MCF2L2: variants seen among roughly 807,000 people sequenced by gnomAD.
MCF2L2 encodes the protein MCF.2 cell line derived transforming sequence-like 2, also known as probable guanine nucleotide exchange factor MCF2L2.
Under a neutral mutation model 150.2 loss-of-function variants are expected in MCF2L2, and 102 were observed. The ratio of observed to expected loss-of-function variants is 0.68; its 90% CI spans 0.58 to 0.80. MCF2L2 has a LOEUF of 0.80. Ranked by LOEUF, MCF2L2 falls within the 30% of genes least tolerant of loss-of-function variation. MCF2L2 has a pLI of 0.00. For synonymous variants in MCF2L2, 465 were observed against 491.3 expected (o/e 0.95, Z 0.71); for missense variants, 1,256 against 1,372.8 (o/e 0.91, Z 1.34).
At chr3:183,334,590 C>G (rs971181762) in intron 5 of MCF2L2, among the ~76,000 whole-genome samples, 7 of 151,414 alleles carry the variant, frequency 4.6e-5, no homozygotes, top group Admixed American at 3.3e-4. Context: ...GAGTTCGAGA[C>G]CAGCCTGGCC....
At chr3:183,232,761 C>T (rs190694118) in intron 15 of MCF2L2, among the ~76,000 whole-genome samples, 19 of 152,158 alleles carry the variant, frequency 1.2e-4, no homozygotes, top group African/African-American at 3.1e-4. Flanking sequence ...ATACATTCAA[C>T]GAAGGCATAT....
At chr3:183,257,958 CTTT>C (rs35323502) in intron 15 of MCF2L2, among the ~76,000 whole-genome samples, 6 of 64,742 alleles carry the variant, frequency 9.3e-5, no homozygotes, top group South Asian at 1.6e-3. Context: ...CCACTTCACC[CTTT>C]TTTTTTTTTT....
chr3:183,414,374 TC>T (rs1186295557), intron 1 of MCF2L2, among the ~76,000 whole-genome samples: 1 of 152,210 alleles, frequency 6.6e-6, no homozygotes, highest in East Asian at 1.9e-4. Context: ...ATATAGTTAT[TC>T]GTATTATTCC....
At chr3:183,323,378 TA>T in intron 5 of MCF2L2, 27 bp from the exon 6 acceptor site, 4 of 1,193,640 alleles carry the variant, frequency 3.4e-6, no homozygotes, top group Non-Finnish European at 5.0e-6. Context: ...TAATTAAACA[TA>T]CTCCTCATTG....
chr3:183,270,531 C>G lies in MCF2L2; in HGVS notation c.1862+6341G>C. 2 of 1,614,056 alleles carry G rather than the reference C, an allele frequency of 1.2e-6. No individual in the cohort carries two copies. Among genetic ancestry groups the G allele is most frequent in the Non-Finnish European group, 1.7e-6 (2 of 1,179,980 alleles). ...ATACTACGTGTCCTATGAAATGTACCAGTGGCCAGCTTACCCTGACTACAC... is the reference window on the plus strand; with the variant it reads ...ATACTACGTGTCCTATGAAATGTACGAGTGGCCAGCTTACCCTGACTACAC... On this transcript the variant is annotated intron_variant, in intron 15 of 29. Transcript: ENST00000328913. This position sits in a 1 kb window ranked among gnomAD's most constrained non-coding sequence, Gnocchi z 4.5.
chr3:183,318,948 T>A (rs1729704878), intron 6 of MCF2L2, among the ~76,000 whole-genome samples: 1 of 152,338 alleles, frequency 6.6e-6, no homozygotes, highest in East Asian at 1.9e-4. Context: ...ATCAGGGTGA[T>A]GGTTGCCGAA....
intron 21 of MCF2L2, among the ~76,000 whole-genome samples, chr3:183,219,383 G>C (rs1723059746): frequency 6.6e-6 from 1 of 152,192 alleles, no homozygotes; most frequent in South Asian, 2.1e-4. Context: ...GGCCGAGGCA[G>C]GTGGATCATC....
At chr3:183,250,695 G>A (rs778129364) in intron 15 of MCF2L2, among the ~76,000 whole-genome samples, 9 of 152,218 alleles carry the variant, frequency 5.9e-5, no homozygotes, top group Non-Finnish European at 1.3e-4. Flanking sequence ...GGAAGGCTGC[G>A]TGTGGTGGGA....
At chr3:183,184,502 G>A (rs1560329839) in intron 27 of MCF2L2, among the ~76,000 whole-genome samples, 1 of 152,208 alleles carries the variant, frequency 6.6e-6, no homozygotes, top group African/African-American at 2.4e-5. Context: ...AAAGGTGGGC[G>A]ATGAGAATTC....
intron 3 of MCF2L2, among the ~76,000 whole-genome samples, chr3:183,352,685 A>T (rs1711549592): frequency 6.6e-6 from 1 of 152,224 alleles, no homozygotes; most frequent in African/African-American, 2.4e-5. Context: ...GAGTAAAAAA[A>T]GAGAGAATCT....
intron 1 of MCF2L2, among the ~76,000 whole-genome samples, chr3:183,391,490 T>G (rs1422886185): frequency 2.6e-5 from 4 of 152,324 alleles, no homozygotes; most frequent in Non-Finnish European, 4.4e-5. Context: ...TCACATTTTA[T>G]AAAAAGGGGG....
chr3:183,385,105 G>A (rs2108593594), intron 2 of MCF2L2, among the ~76,000 whole-genome samples: 1 of 152,252 alleles, frequency 6.6e-6, no homozygotes, highest in Non-Finnish European at 1.5e-5. Context: ...AATAAAAAAG[G>A]TAAAATCCCA....
chr3:183,404,799 G>C (rs752896948), intron 1 of MCF2L2, among the ~76,000 whole-genome samples: 16 of 152,198 alleles, frequency 1.1e-4, no homozygotes, highest in Non-Finnish European at 2.2e-4. Context: ...GGAGGCGGAG[G>C]TTGCAGTGAG....
In MCF2L2 at chr3:183,179,707, A is replaced by G; in HGVS notation, c.3106-15T>C. On this transcript the variant is annotated splice_polypyrimidine_tract_variant and intron_variant, in intron 28 of 29. Transcript: ENST00000328913. The surrounding 1 kb of genome is among the most constrained non-coding windows in gnomAD (Gnocchi z 4.2). ...AGGCCCGCGAGCTGGAAGGGAGGGGACGGGTGCACCCTCAGAGTTATTGCT... is the reference window on the plus strand; with the variant it reads ...AGGCCCGCGAGCTGGAAGGGAGGGGGCGGGTGCACCCTCAGAGTTATTGCT... 1 of 1,599,648 alleles carries G rather than the reference A, an allele frequency of 6.3e-7. No individual in the cohort carries two copies. Among genetic ancestry groups the G allele is most frequent in the Admixed American group, 1.7e-5 (1 of 59,918 alleles).
At chr3:183,215,818 T>C (rs1271657353) in intron 22 of MCF2L2, 151 bp downstream of exon 22, 4 of 816,522 alleles carry the variant, frequency 4.9e-6, no homozygotes, top group South Asian at 4.3e-5. Context: ...AATCTTGTAG[T>C]GCGGGTTTAC....
chr3:183,285,823 T>C (rs1271810434), intron 14 of MCF2L2, among the ~76,000 whole-genome samples: 2 of 152,230 alleles, frequency 1.3e-5, no homozygotes, highest in South Asian at 4.1e-4. Flanking sequence ...TTCTTAATTC[T>C]GTAGGTCCAC....
chr3:183,325,970 C>T (rs758224955), intron 5 of MCF2L2, among the ~76,000 whole-genome samples: 7 of 152,046 alleles, frequency 4.6e-5, no homozygotes, highest in Non-Finnish European at 1.5e-5. Context: ...CAAACTGATT[C>T]TAAAATTCAT....
At chr3:183,300,743 G>T (rs145677600) in intron 10 of MCF2L2, among the ~76,000 whole-genome samples, 87 of 152,236 alleles carry the variant, frequency 5.7e-4, no homozygotes, top group Non-Finnish European at 1.0e-3. Context: ...TAGGCTGGGC[G>T]TGGTGGCTCC....
In MCF2L2 at chr3:183,300,049, C is replaced by A. The variant is rs144274760; in HGVS notation, c.1261G>T (p.Asp421Tyr). Residue 421 changes from aspartate to tyrosine, a missense_variant, in exon 11 of 30, where the codon GAC (aspartate) becomes TAC (tyrosine). Asp to Tyr is a radical substitution (Grantham distance 160). Transcript: ENST00000328913. ...DFINGNKKKWDILGKSLEFHR... is the reference protein window; with the variant it reads ...DFINGNKKKWYILGKSLEFHR... Reference sequence around the variant, plus strand: ...AACTCTAAGGACTTTCCTAAAATGTCCCATTTTTTCTTGTTTCCATTGATG... The same window carrying A: ...AACTCTAAGGACTTTCCTAAAATGTACCATTTTTTCTTGTTTCCATTGATG... 1 of 1,613,742 alleles carries A rather than the reference C, an allele frequency of 6.2e-7. No homozygotes were observed. The highest frequency in any genetic ancestry group is 1.1e-5 in the South Asian group (1 of 91,026).
Sources: allele counts gnomAD v4.1 joint callset (sites outside exome capture counted in the v4.1 genomes callset), GRCh38; gene constraint gnomAD v4.1.1; non-coding constraint Gnocchi (gnomAD v3.1); transcripts MANE v1.5; gene names NCBI Gene and HGNC (gene_info 2026-07-23, HGNC 2026-07-21).